DAD1: variants seen among roughly 807,000 people sequenced by gnomAD.
DAD1 encodes defender against cell death 1.
In DAD1, 4 loss-of-function variants were observed where a neutral mutation model predicts 9.0. That is an observed-to-expected ratio of 0.44 (90% confidence interval 0.22 to 1.01). The LOEUF is 1.01. Ranked by LOEUF, DAD1 falls within the 50% of genes least tolerant of loss-of-function variation. The pLI is 0.24. For missense variants in DAD1, 119 were observed against 137.3 expected (o/e 0.87, Z 0.67); for synonymous variants, 60 against 62.5 (o/e 0.96, Z 0.19).
chr14:22,575,031 T>C lies in DAD1; in HGVS notation c.*44+28A>G, dbSNP rs112071569. 9.6e-6 allele frequency: 15 copies of C among 1,558,196 alleles called. 1 individual carries two copies. Among genetic ancestry groups the C allele is most frequent in the African/African-American group, 6.8e-5 (5 of 73,206 alleles). On this transcript the variant is annotated intron_variant, in intron 2 of 2. Coordinates refer to ENST00000250498, the MANE Select transcript of DAD1 (RefSeq NM_001344.4). ...ATTTCTCTTCCTAAAATCAACATTA[T>C]AGGACAAGGACTATGATCATCACTT...
intron 2 of DAD1, among the ~76,000 whole-genome samples, chr14:22,574,557 C>T (rs2037064055): frequency 6.6e-6 from 1 of 152,204 alleles, no homozygotes; most frequent in Non-Finnish European, 1.5e-5. Context: ...TTAAAGTCTT[C>T]TCCCAAGTTA....
intron 2 of DAD1, among the ~76,000 whole-genome samples, chr14:22,567,929 AAAAAG>A (rs2037012192): frequency 6.6e-6 from 1 of 152,318 alleles, no homozygotes; most frequent in South Asian, 2.1e-4. Flanking sequence ...TTCCCATTTA[AAAAAG>A]AAAAGAATCC....
intron 1 of DAD1, among the ~76,000 whole-genome samples, chr14:22,577,005 C>T (rs1018384073): frequency 1.3e-5 from 2 of 152,184 alleles, no homozygotes; most frequent in African/African-American, 4.8e-5. Flanking sequence ...CCCTTGTGCA[C>T]TAACAAGTGG....
At chr14:22,567,589 A>G (rs919816357) in intron 2 of DAD1, among the ~76,000 whole-genome samples, 1 of 152,242 alleles carries the variant, frequency 6.6e-6, no homozygotes, top group African/African-American at 2.4e-5. Flanking sequence ...GCTGTCCAAC[A>G]CCACAGCCAC....
chr14:22,569,394 C>T (rs1050023485), intron 2 of DAD1, among the ~76,000 whole-genome samples: 1 of 150,682 alleles, frequency 6.6e-6, no homozygotes, highest in African/African-American at 2.4e-5. Flanking sequence ...GATCATGCCA[C>T]TGCACTACAG....
At chr14:22,566,485 C>T (rs1383826905) in intron 2 of DAD1, among the ~76,000 whole-genome samples, 1 of 152,188 alleles carries the variant, frequency 6.6e-6, no homozygotes, top group Non-Finnish European at 1.5e-5. Context: ...AGGCGTGTGC[C>T]ACCACACCCA....
At chr14:22,568,695 ATTT>A (rs59847356) in intron 2 of DAD1, among the ~76,000 whole-genome samples, 9,478 of 136,476 alleles carry the variant, frequency 0.069, 406 homozygotes, top group African/African-American at 0.14. Context: ...AAGTCTTCTG[ATTT>A]TTTTTTTTTT....
At chr14:22,582,175 C>G (rs1389229582) in intron 1 of DAD1, among the ~76,000 whole-genome samples, 1 of 150,704 alleles carries the variant, frequency 6.6e-6, no homozygotes, top group African/African-American at 2.4e-5. Flanking sequence ...CCACTGCACT[C>G]CAGCCTGGCG....
At chr14:22,588,898 G>A (rs1166026563) in intron 1 of DAD1, 49 bp downstream of exon 1, 1 of 1,587,630 alleles carries the variant, frequency 6.3e-7, no homozygotes, top group Admixed American at 1.7e-5. Context: ...AACAAAAGCA[G>A]CACACCAAAG....
intron 1 of DAD1, among the ~76,000 whole-genome samples, chr14:22,582,474 A>G (rs949297378): frequency 2.6e-5 from 4 of 151,916 alleles, no homozygotes; most frequent in African/African-American, 9.7e-5. Flanking sequence ...CAGTGAGCCG[A>G]AATCGCGCCA....
intron 2 of DAD1, among the ~76,000 whole-genome samples, 168 bp from the exon 3 acceptor site, chr14:22,565,305 C>T (rs1243463493): frequency 6.6e-6 from 1 of 152,210 alleles, no homozygotes; most frequent in Non-Finnish European, 1.5e-5. Context: ...TTTCAAAGAA[C>T]ATTTTATGGG....
chr14:22,574,041 T>C (rs888760121), intron 2 of DAD1, among the ~76,000 whole-genome samples: 21 of 152,250 alleles, frequency 1.4e-4, no homozygotes, highest in East Asian at 7.7e-4. Context: ...TTCCCCCAAA[T>C]AGGATGAGAT....
At chr14:22,565,287 C>G (rs2036995437) in intron 2 of DAD1, 150 bp from the exon 3 acceptor site, 1 of 554,822 alleles carries the variant, frequency 1.8e-6, no homozygotes, top group Non-Finnish European at 3.2e-6. Flanking sequence ...TAGAAAGAAG[C>G]AAGTATTTTT....
At chr14:22,565,599 CCAATCTCAGCTATAA>C (rs1403088102) in intron 2 of DAD1, among the ~76,000 whole-genome samples, 2 of 152,130 alleles carry the variant, frequency 1.3e-5, no homozygotes, top group Non-Finnish European at 2.9e-5. Context: ...AGAAAAATTC[CCAATCTCAGCTATAA>C]CAAAGGACCA....
At position 22,572,257 on chromosome 14, in the gene DAD1, C is replaced by A. The variant is rs576304830; in HGVS notation, c.*44+2802G>T. Among the ~76,000 whole-genome samples the A allele has an allele frequency of 3.9e-5, 6 of 152,122 alleles. No individual in the cohort carries two copies. In the South Asian group the frequency reaches 1.2e-3, roughly 32 times the overall value. Reference sequence around the variant, plus strand: ...GTTGGAAAATATAAAGACATTCAATCTGTTTTGTTCTACCTTCTGAGCTGG... The same window carrying A: ...GTTGGAAAATATAAAGACATTCAATATGTTTTGTTCTACCTTCTGAGCTGG... On this transcript the variant is annotated intron_variant, in intron 2 of 2. Coordinates refer to ENST00000250498, the MANE Select transcript of DAD1 (RefSeq NM_001344.4).
At chr14:22,575,330 T>A in intron 1 of DAD1, 97 bp from the exon 2 acceptor site, 3 of 1,385,498 alleles carry the variant, frequency 2.2e-6, no homozygotes, top group South Asian at 1.4e-5. Context: ...ACAATTCTAC[T>A]CTAACAGAAA....
intron 1 of DAD1, among the ~76,000 whole-genome samples, chr14:22,580,864 G>C (rs1221391586): frequency 6.6e-6 from 1 of 151,806 alleles, no homozygotes; most frequent in Admixed American, 6.6e-5. Context: ...TCCAGATGGA[G>C]AATTATCAAC....
intron 2 of DAD1, among the ~76,000 whole-genome samples, chr14:22,566,458 T>C (rs1169283329): frequency 6.6e-6 from 1 of 152,194 alleles, no homozygotes; most frequent in East Asian, 1.9e-4. Flanking sequence ...TTCAACCTGC[T>C]GAGTAGCTGG....
chr14:22,570,921 C>G (rs969599783), intron 2 of DAD1, among the ~76,000 whole-genome samples: 1 of 152,172 alleles, frequency 6.6e-6, no homozygotes, highest in African/African-American at 2.4e-5. Context: ...CCCAATTCAT[C>G]AGGAACTTTA....
Sources: gnomAD v4.1 joint callset for allele counts (sites outside exome capture counted in the v4.1 genomes callset) on GRCh38, gnomAD v4.1.1 for gene constraint, MANE v1.5 for transcripts, NCBI Gene and HGNC (gene_info 2026-07-23, HGNC 2026-07-21) for gene names.